FGGY: variants seen among roughly 807,000 people sequenced by gnomAD.
FGGY encodes the protein FGGY carbohydrate kinase domain containing.
In FGGY, 72 loss-of-function variants were observed where a neutral mutation model predicts 71.3. The observed-to-expected ratio is 1.01, with a 90% CI of 0.84 to 1.23. The LOEUF is 1.23. FGGY is among the 50% of genes most tolerant of loss of function. FGGY has a pLI of 0.00. For missense variants in FGGY, 668 were observed against 682.3 expected, an observed-to-expected ratio of 0.98 and a Z score of 0.23; for synonymous variants, 251 against 250.3, an observed-to-expected ratio of 1.00 and a Z score of -0.02.
chr1:59,615,397 A>C (rs2096740904), intron 9 of FGGY, among the ~76,000 whole-genome samples: 1 of 152,218 alleles, frequency 6.6e-6, no homozygotes, highest in African/African-American at 2.4e-5. Context: ...CAATGGGGAA[A>C]GGATTCCCTA....
chr1:59,660,346 T>C, intron 12 of FGGY, 53 bp downstream of exon 12: 4 of 1,381,908 alleles, frequency 2.9e-6, no homozygotes, highest in South Asian at 1.2e-5. Flanking sequence ...CAGTATACTC[T>C]AGGCCACTGG....
At chr1:59,399,304 C>T (rs2061669023) in intron 5 of FGGY, among the ~76,000 whole-genome samples, 1 of 152,102 alleles carries the variant, frequency 6.6e-6, no homozygotes, top group Non-Finnish European at 1.5e-5. Context: ...CAGTAACAGT[C>T]AACACAGATG....
chr1:59,307,712 C>T (rs6587853), intron 1 of FGGY, among the ~76,000 whole-genome samples: 1 of 152,018 alleles, frequency 6.6e-6, no homozygotes, highest in Non-Finnish European at 1.5e-5. Flanking sequence ...TCATGTGAAG[C>T]TACATATTGA....
intron 5 of FGGY, among the ~76,000 whole-genome samples, chr1:59,414,677 G>T (rs1182948044): frequency 1.3e-5 from 2 of 151,940 alleles, no homozygotes; most frequent in Non-Finnish European, 2.9e-5. Context: ...AGTGGGGCTG[G>T]TACTCTCTCT....
intron 8 of FGGY, among the ~76,000 whole-genome samples, chr1:59,573,442 ATG>A (rs757804145): frequency 2.0e-5 from 3 of 151,744 alleles, no homozygotes; most frequent in East Asian, 2.0e-4. Context: ...ATATACACAT[ATG>A]TGTGTGTGTA....
intron 3 of FGGY, among the ~76,000 whole-genome samples, chr1:59,341,438 CTA>C (rs2050669117): frequency 6.6e-6 from 1 of 152,154 alleles, no homozygotes; most frequent in Admixed American, 6.5e-5. Flanking sequence ...ATCATAATCA[CTA>C]TGTGCTGAAA....
At chr1:59,549,831 G>T (rs987915718) in intron 7 of FGGY, among the ~76,000 whole-genome samples, 2 of 152,170 alleles carry the variant, frequency 1.3e-5, no homozygotes, top group Non-Finnish European at 2.9e-5. Context: ...AGTATTGTTG[G>T]TTGGATGAAT....
intron 7 of FGGY, among the ~76,000 whole-genome samples, chr1:59,524,012 G>A (rs56097214): frequency 0.015 from 2,290 of 152,300 alleles, 26 homozygotes; most frequent in East Asian, 0.054. Context: ...ATCTGCAGCC[G>A]CCCAGCTGCG....
intron 8 of FGGY, among the ~76,000 whole-genome samples, chr1:59,587,728 C>T (rs1299800469): frequency 6.6e-6 from 1 of 152,196 alleles, no homozygotes; most frequent in African/African-American, 2.4e-5. Context: ...AGACCTGCAG[C>T]TGAGGGTCCT....
chr1:59,530,954 C>T (rs1036995498), intron 7 of FGGY, among the ~76,000 whole-genome samples: 5 of 152,094 alleles, frequency 3.3e-5, no homozygotes, highest in African/African-American at 9.7e-5. Flanking sequence ...ACCTTGAAGG[C>T]CAGAACTGAC....
chr1:59,453,939 G>T (rs777908412), intron 5 of FGGY, among the ~76,000 whole-genome samples: 71 of 152,070 alleles, frequency 4.7e-4, no homozygotes, highest in Middle Eastern at 3.2e-3. Flanking sequence ...GTGGAGACAT[G>T]AAGACTTAGG....
chr1:59,593,675 A>G (rs2096485028), intron 8 of FGGY, among the ~76,000 whole-genome samples: 2 of 152,196 alleles, frequency 1.3e-5, no homozygotes, highest in Admixed American at 6.5e-5. Flanking sequence ...ATATTATACT[A>G]AGAACTTTTA....
chr1:59,580,883 C>T lies in FGGY; in HGVS notation c.903+26656C>T, dbSNP rs527720747. 2.6e-5 allele frequency among the ~76,000 whole-genome samples: 4 copies of T among 152,268 alleles called. No homozygotes were observed. In the East Asian group the frequency reaches 7.7e-4, roughly 29 times the overall value. ...AAAGCCCATCTATTCCATTGAGTGACCTTTCCTATGACTATAGAAAGTGGT... is the reference window on the plus strand; with the variant it reads ...AAAGCCCATCTATTCCATTGAGTGATCTTTCCTATGACTATAGAAAGTGGT... On this transcript the variant is annotated intron_variant, in intron 8 of 15. Coordinates refer to ENST00000303721, the MANE Select transcript of FGGY (RefSeq NM_018291.5).
At chr1:59,724,646 A>G (rs1330503789) in intron 14 of FGGY, among the ~76,000 whole-genome samples, 4 of 152,030 alleles carry the variant, frequency 2.6e-5, no homozygotes, top group Non-Finnish European at 5.9e-5. Context: ...AGCATTTGGC[A>G]TTGTTCGTTT....
intron 12 of FGGY, among the ~76,000 whole-genome samples, chr1:59,664,721 A>G (rs2097307986): frequency 6.6e-6 from 1 of 152,232 alleles, no homozygotes; most frequent in Non-Finnish European, 1.5e-5. Context: ...TGCCTAGCAT[A>G]TAGTTGATAA....
At chr1:59,620,738 A>T (rs2096798662) in intron 9 of FGGY, among the ~76,000 whole-genome samples, 2 of 151,994 alleles carry the variant, frequency 1.3e-5, no homozygotes, top group South Asian at 4.1e-4. Context: ...TTTTCAGCCT[A>T]CTTTGAATGC....
chr1:59,420,290 G>C (rs2065190663), intron 5 of FGGY, among the ~76,000 whole-genome samples: 1 of 152,198 alleles, frequency 6.6e-6, no homozygotes, highest in South Asian at 2.1e-4. Flanking sequence ...AATGTCCAGA[G>C]GGAATTAGGA....
intron 14 of FGGY, among the ~76,000 whole-genome samples, chr1:59,692,294 T>A (rs1305499901): frequency 6.6e-6 from 1 of 152,230 alleles, no homozygotes; most frequent in Non-Finnish European, 1.5e-5. Context: ...TCATTTCTTG[T>A]TTACCCACTA....
At chr1:59,543,233 T>C (rs751806958) in intron 7 of FGGY, among the ~76,000 whole-genome samples, 4 of 152,188 alleles carry the variant, frequency 2.6e-5, no homozygotes, top group Non-Finnish European at 4.4e-5. Context: ...TTTGTTTTGC[T>C]TGTTTTTTCT....
Sources: gnomAD v4.1 joint callset for allele counts (sites outside exome capture counted in the v4.1 genomes callset) on GRCh38, gnomAD v4.1.1 for gene constraint, MANE v1.5 for transcripts, NCBI Gene and HGNC (gene_info 2026-07-23, HGNC 2026-07-21) for gene names.